The following RRAGB variants were observed in gnomAD, a reference collection of about 807,000 sequenced individuals.
RRAGB encodes Ras related GTP binding B, also known as ras-related GTP-binding protein B.
Under a neutral mutation model 29.3 loss-of-function variants are expected in RRAGB, and 6 were observed. The ratio of observed to expected loss-of-function variants is 0.21; its 90% CI spans 0.11 to 0.40. The LOEUF (loss-of-function observed/expected upper bound fraction) is 0.40. Among genes scored for constraint, RRAGB ranks in the 10% least tolerant of loss-of-function variants. RRAGB has a pLI of 1.00. For synonymous variants in RRAGB, 101 were observed against 92.5 expected (o/e 1.09, Z -0.53); for missense variants, 184 against 272.9 (o/e 0.67, Z 2.29).
At chrX:55,723,119 G>C (rs948937892) in intron 3 of RRAGB, among the ~76,000 whole-genome samples, 4 of 111,183 alleles carry the variant, frequency 3.6e-5, no homozygotes, top group Non-Finnish European at 7.5e-5. Context: ...TCTCATAATT[G>C]GGGCAGCTTT....
rs573097438 is a variant in RRAGB at position 55,725,951 on chromosome X, T to C, written c.227-3343T>C. On this transcript the variant is annotated intron_variant, in intron 3 of 9. Transcript: ENST00000374941. ...CTCTGTTCTTGGTTCTTTTTAGTTG[T>C]TCTTGTGATAATAGGGTAGGAAGAC... Among the ~76,000 whole-genome samples, 14 of 111,335 alleles carry C rather than the reference T, an allele frequency of 1.3e-4. No individual in the cohort carries two copies. The South Asian group carries it at 2.3e-3, about 18-fold the overall frequency.
Position 55,740,304 on chromosome X carries a change from A to C in RRAGB, c.516+8718A>C, listed in dbSNP as rs748975745. Among the ~76,000 whole-genome samples, 246 of 110,499 alleles carry C rather than the reference A, an allele frequency of 2.2e-3. 2 individuals are homozygous for C. The highest frequency in any genetic ancestry group is 7.9e-3 in the African/African-American group (238 of 30,260). ...CGCCACTGCAGTCTGGCCTGGGCAA[A>C]AGAGCAAGACTCCATCTCAAAAAAA... On this transcript the variant is annotated intron_variant, in intron 5 of 9. Coordinates refer to ENST00000374941, the MANE Select transcript of RRAGB (RefSeq NM_006064.5).
chrX:55,727,162 T>C, intron 3 of RRAGB: 1 of 479,554 alleles, frequency 2.1e-6, no homozygotes, highest in Non-Finnish European at 3.2e-6. Context: ...CATTGGTCAC[T>C]TGATGAGAAT....
chrX:55,741,399 A>G (rs2034066208), intron 5 of RRAGB, among the ~76,000 whole-genome samples: 1 of 112,167 alleles, frequency 8.9e-6, no homozygotes, highest in Non-Finnish European at 1.9e-5. Flanking sequence ...CTTTTTGTCT[A>G]ACATCATTTC....
At chrX:55,735,496 A>T (rs1028180100) in intron 5 of RRAGB, among the ~76,000 whole-genome samples, 1 of 112,474 alleles carries the variant, frequency 8.9e-6, no homozygotes, top group Non-Finnish European at 1.9e-5. Context: ...CCTTAAGTCT[A>T]TAAGAATCTT....
chrX:55,752,151 C>G, intron 6 of RRAGB: 1 of 621,433 alleles, frequency 1.6e-6, no homozygotes. Flanking sequence ...CAGCCTCACT[C>G]TAATAACAGA....
intron 6 of RRAGB, chrX:55,752,364 A>G (rs2034549411): frequency 1.3e-6 from 1 of 751,958 alleles, no homozygotes; most frequent in Non-Finnish European, 1.6e-6. Flanking sequence ...GTGAGTGACA[A>G]TGTCTCTGCT....
rs2033709462 is a variant in RRAGB, at chrX:55,732,268, TG to T, written c.516+683del. Among the ~76,000 whole-genome samples the T allele has an allele frequency of 2.7e-5, 3 of 112,145 alleles. No homozygotes were observed. In the South Asian group the frequency reaches 1.1e-3, roughly 42 times the overall value. On this transcript the variant is annotated intron_variant, in intron 5 of 9. Transcript: ENST00000374941. Reference sequence around the variant, plus strand: ...AAATGGGTAAACTCCTGCTTAGCTGTGAGACTCCAGGATTGGCAAGTCATAT... The same window carrying T: ...AAATGGGTAAACTCCTGCTTAGCTGTAGACTCCAGGATTGGCAAGTCATAT...
At chrX:55,725,665 T>C (rs1478071537) in intron 3 of RRAGB, among the ~76,000 whole-genome samples, 1 of 111,697 alleles carries the variant, frequency 9.0e-6, no homozygotes, top group Non-Finnish European at 1.9e-5. Flanking sequence ...TATTAACTTA[T>C]TAGGGGGCTG....
rs754413006 is a variant in RRAGB at position 55,756,772 on chromosome X, C to A, written c.828-444C>A. On this transcript the variant is annotated intron_variant, in intron 8 of 9. Coordinates refer to ENST00000374941, the MANE Select transcript of RRAGB (RefSeq NM_006064.5). Reference sequence around the variant, plus strand: ...TTTTAAACATGGATCTAGGTCTAAGCCAATTTTCATTTCACAGTCAGTTTC... The same window carrying A: ...TTTTAAACATGGATCTAGGTCTAAGACAATTTTCATTTCACAGTCAGTTTC... 2.7e-5 allele frequency among the ~76,000 whole-genome samples: 3 copies of A among 111,587 alleles called. No individual in the cohort carries two copies. In the East Asian group the frequency reaches 8.4e-4, roughly 31 times the overall value.
chrX:55,718,939 C>T (rs915314115), intron 1 of RRAGB, among the ~76,000 whole-genome samples: 1 of 111,766 alleles, frequency 8.9e-6, no homozygotes, highest in African/African-American at 3.3e-5. Context: ...ATTCAATACT[C>T]AGTCCTCAAG....
chrX:55,735,186 CAA>C (rs1226442849), intron 5 of RRAGB, among the ~76,000 whole-genome samples: 1 of 111,967 alleles, frequency 8.9e-6, no homozygotes, highest in East Asian at 2.8e-4. Context: ...CTTTCCGCCA[CAA>C]TGATCTATCC....
intron 5 of RRAGB, among the ~76,000 whole-genome samples, chrX:55,746,849 C>A (rs1470269853): frequency 8.9e-6 from 1 of 112,295 alleles, no homozygotes; most frequent in Admixed American, 9.4e-5. Context: ...AGTGTGGAAC[C>A]TCTGCTTAAT....
Position 55,744,387 on chromosome X carries a change from C to CAAAAAAAAAAAAAAAAAAA in RRAGB, c.517-6697_517-6696insAAAAAAAAAAAAAAAAAAA, listed in dbSNP as rs56294534. On this transcript the variant is annotated intron_variant, in intron 5 of 9. Coordinates refer to ENST00000374941, the MANE Select transcript of RRAGB (RefSeq NM_006064.5). ...CTCCAGCTTGGGTGACAGAGTGAGC[C>CAAAAAAAAAAAAAAAAAAA]AAAAAAAAAAAAAAAAAGTAGTATA... Among the ~76,000 whole-genome samples, 10 of 35,763 alleles carry CAAAAAAAAAAAAAAAAAAA rather than the reference C, an allele frequency of 2.8e-4. 1 individual carries two copies. Among genetic ancestry groups the CAAAAAAAAAAAAAAAAAAA allele is most frequent in the Admixed American group, 1.2e-3 (2 of 1,735 alleles). 31.1% of individuals were successfully genotyped at this position (35,763 alleles called of 115,157 possible). A position where few individuals can be genotyped will look rare whatever the true frequency, so the allele number is the denominator to read the frequency against.
intron 5 of RRAGB, among the ~76,000 whole-genome samples, chrX:55,743,150 C>T (rs2034137458): frequency 8.9e-6 from 1 of 112,378 alleles, no homozygotes; most frequent in South Asian, 3.7e-4. Context: ...CATTGCCTCA[C>T]TTTATTTGCT....
Position 55,718,246 on chromosome X carries a change from A to G in RRAGB, c.-82A>G. Reference sequence around the variant, plus strand: ...GATGAGAATAGGCAGTTGAGGGGTGAAAAAGAAAACAAACAAACAACAACA... The same window carrying G: ...GATGAGAATAGGCAGTTGAGGGGTGGAAAAGAAAACAAACAAACAACAACA... On this transcript the variant is annotated 5_prime_UTR_variant, in exon 1 of 10. Transcript: ENST00000374941. 1.3e-6 allele frequency: 1 copy of G among 783,394 alleles called. No homozygotes were observed. Among genetic ancestry groups the G allele is most frequent in the Non-Finnish European group, 1.8e-6 (1 of 551,443 alleles). The allele number at this position is 783,394 out of a possible 1,213,427, so 64.6% of individuals were successfully genotyped here.
At chrX:55,728,267 G>C (rs1014419034) in intron 3 of RRAGB, among the ~76,000 whole-genome samples, 1 of 112,021 alleles carries the variant, frequency 8.9e-6, no homozygotes, top group Non-Finnish European at 1.9e-5. Context: ...CCCCATTCCT[G>C]CATGGCAAAT....
At chrX:55,725,816 T>C (rs1380666732) in intron 3 of RRAGB, among the ~76,000 whole-genome samples, 2 of 111,904 alleles carry the variant, frequency 1.8e-5, no homozygotes, top group Non-Finnish European at 3.8e-5. Flanking sequence ...AATGCTCTAT[T>C]ACCCTGGTTT....
At chrX:55,726,777 A>G (rs1285508987) in intron 3 of RRAGB, among the ~76,000 whole-genome samples, 2 of 111,702 alleles carry the variant, frequency 1.8e-5, no homozygotes, top group Non-Finnish European at 3.8e-5. Flanking sequence ...GATGAGTTAC[A>G]TATACTTGGA....
Sources: allele counts gnomAD v4.1 joint callset (sites outside exome capture counted in the v4.1 genomes callset), GRCh38; gene constraint gnomAD v4.1.1; transcripts MANE v1.5; gene names NCBI Gene and HGNC (gene_info 2026-07-23, HGNC 2026-07-21).